Variants in SMIM35 observed in about 807,000 individuals in gnomAD.
The protein encoded by SMIM35 is small integral membrane protein 35, also known as TMPRSS4 antisense RNA 1 (non-protein coding).
At chr11:118,053,970 T>C (rs994205215) in intron 1 of SMIM35, among the ~76,000 whole-genome samples, 1 of 152,180 alleles carries the variant, frequency 6.6e-6, no homozygotes, top group Non-Finnish European at 1.5e-5. Context: ...AAAATCACAA[T>C]CACAGGATCG....
At chr11:118,019,859 C>T (rs554083123) in intron 1 of SMIM35, among the ~76,000 whole-genome samples, 3 of 152,276 alleles carry the variant, frequency 2.0e-5, no homozygotes, top group African/African-American at 7.2e-5. Context: ...ACAGATGTGC[C>T]TGCTTCTTTT....
At chr11:118,057,155 G>T (rs200365003) in intron 1 of SMIM35, among the ~76,000 whole-genome samples, 18 of 152,328 alleles carry the variant, frequency 1.2e-4, no homozygotes, top group African/African-American at 4.1e-4. Context: ...CACTGAAGGC[G>T]CAGAAGGAAC....
At chr11:118,078,010 T>C (rs1944800183) in intron 1 of SMIM35, among the ~76,000 whole-genome samples, 1 of 56,366 alleles carries the variant, frequency 1.8e-5, no homozygotes, top group South Asian at 6.8e-4. Flanking sequence ...TGAAACTCCG[T>C]CTCAAAAAAA....
In SMIM35 at chr11:118,015,417, G is replaced by A. The variant is rs543035546; in HGVS notation, c.124+276C>T. Among the ~76,000 whole-genome samples the A allele has an allele frequency of 1.1e-4, 16 of 152,280 alleles. 1 individual carries two copies. Among genetic ancestry groups the A allele is most frequent in the East Asian group, 1.9e-4 (1 of 5,176 alleles). On this transcript the variant is annotated intron_variant, in intron 2 of 4. Transcript: ENST00000689828. ...TTGGCCTTGGGGGCCCACAGAGACC[G>A]CTGGCATGGACGTCTATGGGCTCTG...
At chr11:118,053,881 C>T (rs1390586224) in intron 1 of SMIM35, among the ~76,000 whole-genome samples, 2 of 152,170 alleles carry the variant, frequency 1.3e-5, no homozygotes, top group Non-Finnish European at 2.9e-5. Context: ...GACACAATCG[C>T]AAACACTGTA....
intron 1 of SMIM35, among the ~76,000 whole-genome samples, chr11:118,044,550 C>T (rs964183610): frequency 2.6e-5 from 4 of 151,952 alleles, no homozygotes; most frequent in Non-Finnish European, 5.9e-5. Context: ...CCTGTAATCC[C>T]AGCATTTTGG....
chr11:118,014,924 C>T (rs947858882), intron 2 of SMIM35, among the ~76,000 whole-genome samples, 183 bp from the exon 3 acceptor site: 2 of 152,158 alleles, frequency 1.3e-5, no homozygotes, highest in African/African-American at 4.8e-5. Context: ...TCCTGATTAT[C>T]CTGGGATGAA....
At chr11:118,028,261 T>C (rs2058290328) in intron 1 of SMIM35, among the ~76,000 whole-genome samples, 1 of 152,240 alleles carries the variant, frequency 6.6e-6, no homozygotes, top group Non-Finnish European at 1.5e-5. Context: ...TTCCTGCTCC[T>C]GTGGACCAAA....
chr11:118,085,466 C>G (rs1447438330), intron 1 of SMIM35, among the ~76,000 whole-genome samples: 1 of 152,082 alleles, frequency 6.6e-6, no homozygotes, highest in Non-Finnish European at 1.5e-5. Flanking sequence ...TGGAGTCAGT[C>G]CCAATCAGTT....
chr11:118,080,007 C>T (rs1591328367), intron 1 of SMIM35, among the ~76,000 whole-genome samples: 1 of 152,028 alleles, frequency 6.6e-6, no homozygotes, highest in Admixed American at 6.5e-5. Context: ...GTAACCACTC[C>T]CCCCCCACCA....
Position 118,086,916 on chromosome 11 carries a change from G to C in SMIM35, c.-159C>G, listed in dbSNP as rs589488. The stretch of plus-strand genomic sequence containing the variant: ...AGAGCAGAGTGAGGCTCCCTCAGAG[G>C]AGCACTGTGGCCGGGCCCCACTCTG... On this transcript the variant is annotated 5_prime_UTR_variant, in exon 1 of 5. Transcript: ENST00000689828. 20,328 of 152,582 alleles carry C rather than the reference G, an allele frequency of 0.13. 1,780 individuals are homozygous for C. Among genetic ancestry groups the C allele is most frequent in the East Asian group, 0.24 (1,255 of 5,172 alleles). 9.5% of individuals were successfully genotyped at this position (152,582 alleles called of 1,614,324 possible).
At chr11:118,051,239 G>T (rs1217274362) in intron 1 of SMIM35, among the ~76,000 whole-genome samples, 2 of 152,216 alleles carry the variant, frequency 1.3e-5, no homozygotes, top group African/African-American at 4.8e-5. Flanking sequence ...AACAAAGGCT[G>T]ACATCCTGAA....
intron 1 of SMIM35, among the ~76,000 whole-genome samples, chr11:118,055,669 C>G (rs1218759358): frequency 6.6e-6 from 1 of 152,208 alleles, no homozygotes; most frequent in Non-Finnish European, 1.5e-5. Flanking sequence ...CCTCTTCACA[C>G]CAGCTCATGT....
chr11:118,019,982 G>A (rs79393445), intron 1 of SMIM35, among the ~76,000 whole-genome samples: 5 of 152,050 alleles, frequency 3.3e-5, no homozygotes, highest in African/African-American at 9.7e-5. Flanking sequence ...AATAAATCTC[G>A]GCTGGGCATG....
intron 1 of SMIM35, chr11:118,059,142 A>G (rs944550474): frequency 1.3e-5 from 2 of 152,314 alleles, no homozygotes; most frequent in Non-Finnish European, 2.9e-5. Flanking sequence ...TGCAGAGGCC[A>G]GAGTGTGTGA....
rs562752708 is a variant in SMIM35, at chr11:118,008,905, T to C, written c.*34-2529A>G. On this transcript the variant is annotated intron_variant, in intron 4 of 4. Transcript: ENST00000689828. ...ATGCCCCCATGGTGCCTAGCATAGT[T>C]CCTGGCATGTTATGGAAGCAGCGTG... Among the ~76,000 whole-genome samples, 6 of 152,352 alleles carry C rather than the reference T, an allele frequency of 3.9e-5. No individual in the cohort carries two copies. The East Asian group carries it at 1.2e-3, about 29-fold the overall frequency.
intron 1 of SMIM35, among the ~76,000 whole-genome samples, chr11:118,033,460 A>AT (rs1222505934): frequency 2.0e-5 from 3 of 151,998 alleles, no homozygotes; most frequent in African/African-American, 4.8e-5. Flanking sequence ...ATTCCTGTGT[A>AT]TTTTTTTTCC....
chr11:118,019,732 C>T (rs1024313208), intron 1 of SMIM35, among the ~76,000 whole-genome samples: 8 of 150,990 alleles, frequency 5.3e-5, no homozygotes, highest in Admixed American at 2.6e-4. Flanking sequence ...TTTACAGTTT[C>T]GGACTTTAAT....
chr11:118,085,965 G>A (rs1945525065), intron 1 of SMIM35, among the ~76,000 whole-genome samples: 1 of 152,236 alleles, frequency 6.6e-6, no homozygotes, highest in South Asian at 2.1e-4. Context: ...CTAGGACAAA[G>A]AGAAGGATCG....
Sources: allele counts gnomAD v4.1 joint callset (sites outside exome capture counted in the v4.1 genomes callset), GRCh38; gene constraint gnomAD v4.1.1; transcripts MANE v1.5; gene names NCBI Gene and HGNC (gene_info 2026-07-23, HGNC 2026-07-21).